Variants in PCDHGA3 observed in about 807,000 individuals in gnomAD.
PCDHGA3 encodes protocadherin gamma-A3.
A neutral mutation model predicts 58.5 loss-of-function variants in PCDHGA3; 40 were observed. That is an observed-to-expected ratio of 0.68 (90% CI 0.53 to 0.89). The LOEUF (loss-of-function observed/expected upper bound fraction) is 0.89, where lower values mean the gene tolerates loss of function less well. Ranked by LOEUF, PCDHGA3 falls within the 40% of genes least tolerant of loss-of-function variation. PCDHGA3 has a pLI of 0.00. For missense variants in PCDHGA3, 1,223 were observed against 1,195.9 expected (o/e 1.02, Z -0.33); for synonymous variants, 530 against 525.7 (o/e 1.01, Z -0.11).
chr5:141,375,647 T>A (rs1265306389), intron 1 of PCDHGA3: 1 of 1,614,156 alleles, frequency 6.2e-7, no homozygotes, highest in Admixed American at 1.7e-5. Flanking sequence ...CTCCTTCGAC[T>A]ATGAGCAGTT....
At chr5:141,497,855 C>T (rs1447484949) in intron 2 of PCDHGA3, among the ~76,000 whole-genome samples, 1 of 152,122 alleles carries the variant, frequency 6.6e-6, no homozygotes, top group Non-Finnish European at 1.5e-5. Flanking sequence ...ATTTTTGATT[C>T]AGCGGCTCCA....
At chr5:141,394,188 G>A (rs772537455) in intron 1 of PCDHGA3, 1 of 1,613,828 alleles carries the variant, frequency 6.2e-7, no homozygotes, top group Non-Finnish European at 8.5e-7. Flanking sequence ...CTCCTACTCA[G>A]CGTATATCCT....
chr5:141,357,554 G>A (rs765378957), intron 1 of PCDHGA3: 1 of 1,614,220 alleles, frequency 6.2e-7, no homozygotes, highest in Non-Finnish European at 8.5e-7. Context: ...CGGGAGAGTT[G>A]TGAGAAAAGC....
chr5:141,365,657 G>A (rs79266084), intron 1 of PCDHGA3: 42,341 of 1,613,360 alleles, frequency 0.026, 713 homozygotes, highest in East Asian at 0.041. Flanking sequence ...CTTGAAAGTA[G>A]CAGACGTTAA....
Position 141,489,091 on chromosome 5 carries a change from T to A in PCDHGA3, c.2425-5716T>A. 1.9e-4 allele frequency: 63 copies of A among 332,802 alleles called. No individual in the cohort carries two copies. Among genetic ancestry groups the A allele is most frequent in the East Asian group, 2.9e-4 (6 of 20,542 alleles). The allele number at this position is 332,802 out of a possible 1,614,324, so 20.6% of individuals were successfully genotyped here. A position where few individuals can be genotyped will look rare whatever the true frequency, so the allele number is the denominator to read the frequency against. ...CTGCCCACCCCCGCCACTCGGTGAC[T>A]AAGAACTGCTGCAAGCAGGCAAACC... On this transcript the variant is annotated intron_variant, in intron 1 of 3. Transcript: ENST00000253812. This position sits in a 1 kb window ranked among gnomAD's most constrained non-coding sequence, Gnocchi z 4.5.
chr5:141,430,017 CTTG>C (rs1203011013), intron 1 of PCDHGA3, among the ~76,000 whole-genome samples: 6 of 152,096 alleles, frequency 3.9e-5, no homozygotes, highest in African/African-American at 1.2e-4. Context: ...CACTTGGGTT[CTTG>C]TTAAGTGTGA....
chr5:141,374,390 C>T, intron 1 of PCDHGA3: 2 of 1,614,024 alleles, frequency 1.2e-6, no homozygotes, highest in Non-Finnish European at 1.7e-6. Flanking sequence ...CCCGCGGTGT[C>T]TGGTGAGTTT....
At chr5:141,405,054 C>T (rs773491411) in intron 1 of PCDHGA3, 7 of 1,613,806 alleles carry the variant, frequency 4.3e-6, no homozygotes, top group Admixed American at 1.7e-5. Flanking sequence ...GCAGTCGTCT[C>T]CTGTGTCTTC....
intron 2 of PCDHGA3, among the ~76,000 whole-genome samples, chr5:141,496,013 T>C (rs2154591828): frequency 6.6e-6 from 1 of 152,134 alleles, no homozygotes; most frequent in East Asian, 1.9e-4. Flanking sequence ...CTTGTCTTTT[T>C]TCTCTGAGCC....
In PCDHGA3 at chr5:141,512,845, A is replaced by G. The variant is rs1166488780; in HGVS notation, c.*1672A>G. On this transcript the variant is annotated 3_prime_UTR_variant, in exon 4 of 4. Coordinates refer to ENST00000253812, the MANE Select transcript of PCDHGA3 (RefSeq NM_018916.4). ...CTCCCCCGTACTGACTTCTCCTATA[A>G]GCGCTTCTCTTCGCATAGTCACGTA... The G allele has an allele frequency of 6.6e-6, 1 of 152,156 alleles. No individual in the cohort carries two copies. Among genetic ancestry groups the G allele is most frequent in the African/African-American group, 2.4e-5 (1 of 41,380 alleles). 9.4% of individuals were successfully genotyped at this position (152,156 alleles called of 1,614,324 possible).
intron 1 of PCDHGA3, chr5:141,351,672 G>A (rs1429208209): frequency 8.7e-6 from 14 of 1,613,984 alleles, no homozygotes; most frequent in Non-Finnish European, 1.1e-5. Flanking sequence ...GCACAAGTAA[G>A]CGCCTCCGAC....
At chr5:141,371,175 G>T (rs753971437) in intron 1 of PCDHGA3, 1 of 1,614,004 alleles carries the variant, frequency 6.2e-7, no homozygotes, top group South Asian at 1.1e-5. Flanking sequence ...TGGCTCCTCC[G>T]TATTAAAAGT....
chr5:141,372,000 G>C (rs762846056), intron 1 of PCDHGA3: 3 of 1,613,268 alleles, frequency 1.9e-6, no homozygotes, highest in Middle Eastern at 1.7e-4. Context: ...GCAGGCCCGC[G>C]ACCAGGGCTC....
intron 2 of PCDHGA3, among the ~76,000 whole-genome samples, chr5:141,501,290 TACACACACACACACACACACAC>T (rs55762287): frequency 1.4e-4 from 19 of 136,248 alleles, no homozygotes; most frequent in Admixed American, 1.1e-3. Context: ...TATTCCCTTA[TACACACACACACACACACACAC>T]ACACACACAC....
At chr5:141,372,333 C>A (rs376897075) in intron 1 of PCDHGA3, 5 of 1,613,732 alleles carry the variant, frequency 3.1e-6, no homozygotes, top group Non-Finnish European at 4.2e-6. Context: ...GGTCACTGTG[C>A]GTGATGGAGG....
At chr5:141,458,132 G>C (rs2098938269) in intron 1 of PCDHGA3, among the ~76,000 whole-genome samples, 1 of 152,218 alleles carries the variant, frequency 6.6e-6, no homozygotes, top group South Asian at 2.1e-4. Flanking sequence ...GAACCAGGCA[G>C]AGAAAAATGA....
At chr5:141,374,556 A>G in intron 1 of PCDHGA3, 3 of 1,613,690 alleles carry the variant, frequency 1.9e-6, no homozygotes, top group Non-Finnish European at 1.7e-6. Context: ...ATGGAGGTCT[A>G]TGACCCTGAT....
intron 1 of PCDHGA3, chr5:141,417,664 C>T: frequency 1.1e-6 from 1 of 911,118 alleles, no homozygotes; most frequent in Non-Finnish European, 1.6e-6. Context: ...CTGGGATTCC[C>T]TGCGCAGCCA....
Position 141,486,617 on chromosome 5 carries a change from C to G in PCDHGA3, c.2425-8190C>G. ...GCTTTGCTCCCTTGCAGCCTCTGAC[C>G]CAGACTCTGGCTTGAATGCGCTTAT... On this transcript the variant is annotated intron_variant, in intron 1 of 3. Transcript: ENST00000253812. This position sits in a 1 kb window ranked among gnomAD's most constrained non-coding sequence, Gnocchi z 5.0. 1 of 1,613,602 alleles carries G rather than the reference C, an allele frequency of 6.2e-7. No homozygotes were observed. Among genetic ancestry groups the G allele is most frequent in the South Asian group, 1.1e-5 (1 of 91,086 alleles).
Sources: gnomAD v4.1 joint callset for allele counts (sites outside exome capture counted in the v4.1 genomes callset) on GRCh38, gnomAD v4.1.1 for gene constraint, Gnocchi (gnomAD v3.1) non-coding constraint, MANE v1.5 for transcripts, NCBI Gene and HGNC (gene_info 2026-07-23, HGNC 2026-07-21) for gene names.